The following ASXL2 variants were observed in gnomAD, a reference collection of about 807,000 sequenced individuals.
The protein encoded by ASXL2 is putative Polycomb group protein ASXL2.
A neutral mutation model predicts 122.0 loss-of-function variants in ASXL2; 23 were observed. The ratio of observed to expected loss-of-function variants is 0.19; its 90% CI spans 0.14 to 0.27. The LOEUF is 0.27. Among genes scored for constraint, ASXL2 ranks in the 10% least tolerant of loss-of-function variants. The pLI is 1.00. For synonymous variants in ASXL2, 650 were observed against 637.0 expected, an observed-to-expected ratio of 1.02 and a Z score of -0.31; for missense variants, 1,518 against 1,713.8, an observed-to-expected ratio of 0.89 and a Z score of 2.02.
chr2:25,832,966 T>C (rs548889225), intron 3 of ASXL2, among the ~76,000 whole-genome samples: 1 of 152,246 alleles, frequency 6.6e-6, no homozygotes, highest in Non-Finnish European at 1.5e-5. Flanking sequence ...TATGATTCCA[T>C]TAAACACTTG....
At chr2:25,826,693 C>T (rs1168550115) in intron 3 of ASXL2, among the ~76,000 whole-genome samples, 1 of 134,478 alleles carries the variant, frequency 7.4e-6, no homozygotes, top group Non-Finnish European at 1.5e-5. Flanking sequence ...GAACTATACA[C>T]AATCTATATT....
At chr2:25,779,790 T>G (rs1482203544) in intron 5 of ASXL2, among the ~76,000 whole-genome samples, 1 of 152,020 alleles carries the variant, frequency 6.6e-6, no homozygotes, top group Non-Finnish European at 1.5e-5. Context: ...GAAAATCATT[T>G]TAATAGGTTC....
At chr2:25,860,460 A>G (rs965808000) in intron 1 of ASXL2, among the ~76,000 whole-genome samples, 5 of 152,220 alleles carry the variant, frequency 3.3e-5, no homozygotes, top group African/African-American at 1.2e-4. Context: ...TCACGCCTGT[A>G]ATCCCAGCAC....
Position 25,743,253 on chromosome 2 carries a change from C to T in ASXL2, c.3084G>A (p.Gln1028=), listed in dbSNP as rs1488184299. The T allele has an allele frequency of 1.2e-6, 2 of 1,613,580 alleles. No homozygotes were observed. Among genetic ancestry groups the T allele is most frequent in the Admixed American group, 1.7e-5 (1 of 59,940 alleles). ...GAAGGGGCCTTGGAACCTGGGGGAG[C>T]TGCTTACTTTGCAAGGTTTTGCCCA... ...QQLGKTLQSK[Q]LPQVPRPLQL... The change falls in exon 13 of 13, where the codon CAG becomes CAA. Residue 1028 remains glutamine (Q), a synonymous_variant. Coordinates refer to ENST00000435504, the MANE Select transcript of ASXL2 (RefSeq NM_018263.6).
intron 3 of ASXL2, among the ~76,000 whole-genome samples, chr2:25,809,305 AAAAG>A (rs902759064): frequency 3.3e-5 from 5 of 152,010 alleles, no homozygotes; most frequent in African/African-American, 1.2e-4. Context: ...TGAAAAAAAA[AAAAG>A]AAATAACATT....
chr2:25,830,024 C>A (rs1435219769), intron 3 of ASXL2, among the ~76,000 whole-genome samples: 2 of 152,210 alleles, frequency 1.3e-5, no homozygotes, highest in Non-Finnish European at 2.9e-5. Flanking sequence ...CCGCCTCAAA[C>A]AGAAGCAACA....
At chr2:25,856,363 C>CCTTTTTTT (rs754653765) in intron 1 of ASXL2, 8 of 235,960 alleles carry the variant, frequency 3.4e-5, no homozygotes, top group Admixed American at 1.5e-4. Context: ...CTGGCCTATA[C>CCTTTTTTT]TTTTTTTTTT....
chr2:25,749,276 C>T (rs891092460), intron 12 of ASXL2, among the ~76,000 whole-genome samples: 10 of 152,184 alleles, frequency 6.6e-5, no homozygotes, highest in African/African-American at 2.2e-4. Context: ...GCAATATCTG[C>T]GTGAACCCTG....
At chr2:25,786,311 G>T (rs1574416073) in intron 5 of ASXL2, among the ~76,000 whole-genome samples, 1 of 136,414 alleles carries the variant, frequency 7.3e-6, no homozygotes, top group South Asian at 2.3e-4. Flanking sequence ...TGCAATTTTG[G>T]CTCACTGGAA....
chr2:25,866,868 G>T (rs2089909920), intron 1 of ASXL2, among the ~76,000 whole-genome samples: 1 of 151,880 alleles, frequency 6.6e-6, no homozygotes, highest in Non-Finnish European at 1.5e-5. Flanking sequence ...GAGTAGCTGG[G>T]ATTACAGGCA....
intron 1 of ASXL2, among the ~76,000 whole-genome samples, chr2:25,850,714 C>T (rs2089705322): frequency 6.6e-6 from 1 of 152,214 alleles, no homozygotes; most frequent in Non-Finnish European, 1.5e-5. Context: ...CACCGATGAT[C>T]ACTATCTCCA....
At chr2:25,836,061 A>G (rs1559524720) in intron 2 of ASXL2, among the ~76,000 whole-genome samples, 1 of 152,150 alleles carries the variant, frequency 6.6e-6, no homozygotes. Context: ...CCTTCTTGAC[A>G]TCCCTACCAG....
rs543889025 is a variant in ASXL2 at position 25,811,154 on chromosome 2, G to A, written c.144-4817C>T. 3.4e-4 allele frequency among the ~76,000 whole-genome samples: 51 copies of A among 151,808 alleles called. 1 individual carries two copies. In the Middle Eastern group the frequency reaches 0.017, roughly 51 times the overall value. On this transcript the variant is annotated intron_variant, in intron 3 of 12. Coordinates refer to ENST00000435504, the MANE Select transcript of ASXL2 (RefSeq NM_018263.6). The stretch of plus-strand genomic sequence containing the variant: ...TGTAGTACCAGCTACTTTGGAGGCT[G>A]AGGCGGGAAGATCACCTGAGCCCAG...
intron 1 of ASXL2, among the ~76,000 whole-genome samples, chr2:25,851,007 C>T (rs908912521): frequency 4.6e-5 from 7 of 151,942 alleles, no homozygotes; most frequent in Non-Finnish European, 7.4e-5. Flanking sequence ...GGTGTGGGGG[C>T]GCATGCCTGT....
At chr2:25,817,651 T>C (rs142247656) in intron 3 of ASXL2, among the ~76,000 whole-genome samples, 18 of 152,238 alleles carry the variant, frequency 1.2e-4, no homozygotes, top group Non-Finnish European at 1.5e-4. Context: ...TGAAAGACAA[T>C]AGAGCTCTTT....
At chr2:25,762,759 C>CAAACACAG (rs1455146042) in intron 8 of ASXL2, among the ~76,000 whole-genome samples, 2 of 128,386 alleles carry the variant, frequency 1.6e-5, no homozygotes, top group African/African-American at 2.9e-5. Flanking sequence ...CAAATATTAA[C>CAAACACAG]AAACACAGTA....
chr2:25,797,420 G>A (rs990747975), intron 5 of ASXL2, among the ~76,000 whole-genome samples: 1 of 152,184 alleles, frequency 6.6e-6, no homozygotes, highest in Non-Finnish European at 1.5e-5. Flanking sequence ...ACTCCAGCCT[G>A]GGCAACAGTG....
chr2:25,742,892 G>T lies in ASXL2; in HGVS notation c.3445C>A (p.Arg1149Ser), dbSNP rs377352572. The change falls in exon 13 of 13, where the codon CGT (arginine) becomes AGT (serine). Residue 1149 changes from arginine (R) to serine (S), a missense_variant. Physicochemically the swap from Arg to Ser is moderately radical, Grantham distance 110. Coordinates refer to ENST00000435504, the MANE Select transcript of ASXL2 (RefSeq NM_018263.6). ...RRTHSVNPED[R>S]FCLSSPTEAL... is the part of the protein sequence containing the mutation. ...TCAGTGGGGCTGCTTAGACAAAAAC[G>T]ATCTTCAGGGTTTACAGAATGGGTC... 1.9e-6 allele frequency: 3 copies of T among 1,613,792 alleles called. No homozygotes were observed. Among genetic ancestry groups the T allele is most frequent in the Non-Finnish European group, 2.5e-6 (3 of 1,179,894 alleles).
chr2:25,804,698 C>T (rs779985978), intron 4 of ASXL2, among the ~76,000 whole-genome samples: 4 of 152,046 alleles, frequency 2.6e-5, no homozygotes, highest in African/African-American at 4.8e-5. Context: ...TTTTCCTGTT[C>T]GTAAGTGAAA....
Sources: gnomAD v4.1 joint callset for allele counts (sites outside exome capture counted in the v4.1 genomes callset) on GRCh38, gnomAD v4.1.1 for gene constraint, MANE v1.5 for transcripts, NCBI Gene and HGNC (gene_info 2026-07-23, HGNC 2026-07-21) for gene names.